ZNF621: variants seen among roughly 807,000 people sequenced by gnomAD.
ZNF621 encodes zinc finger protein 621.
Under a neutral mutation model 12.7 loss-of-function variants are expected in ZNF621, and 6 were observed. The ratio of observed to expected loss-of-function variants is 0.47; its 90% CI spans 0.26 to 0.93. ZNF621 has a LOEUF of 0.93. Among genes scored for constraint, ZNF621 ranks in the 40% least tolerant of loss-of-function variants. ZNF621 has a pLI of 0.15. For missense variants in ZNF621, 474 were observed against 524.0 expected, an observed-to-expected ratio of 0.90 and a Z score of 0.93; for synonymous variants, 156 against 190.3, an observed-to-expected ratio of 0.82 and a Z score of 1.48.
At chr3:40,531,656 G>A (rs757378135) in intron 4 of ZNF621, among the ~76,000 whole-genome samples, 5 of 152,086 alleles carry the variant, frequency 3.3e-5, no homozygotes, top group South Asian at 2.1e-4. Flanking sequence ...TCTGCCTCCC[G>A]GGCTTAAGTG....
rs1698561421 is a variant in ZNF621, at chr3:40,525,669, G to A, written c.-62-110G>A. ...GTGAGAACAATTAGAGGGAGTCCTA[G>A]TAGAATCTCCGTGCATCCAGTGCTG... On this transcript the variant is annotated intron_variant, in intron 1 of 4. Coordinates refer to ENST00000339296, the MANE Select transcript of ZNF621 (RefSeq NM_198484.5). 8 of 806,704 alleles carry A rather than the reference G, an allele frequency of 9.9e-6. No homozygotes were observed. In the East Asian group the frequency reaches 2.1e-4, roughly 21 times the overall value. The allele number at this position is 806,704 out of a possible 1,614,324, so 50.0% of individuals were successfully genotyped here.
chr3:40,530,606 A>C (rs1232423350), intron 4 of ZNF621, among the ~76,000 whole-genome samples: 1 of 152,110 alleles, frequency 6.6e-6, no homozygotes, highest in Middle Eastern at 3.2e-3. Flanking sequence ...GAAAAGTTTT[A>C]ATTGTATGCC....
chr3:40,525,995 C>A, intron 2 of ZNF621, 131 bp downstream of exon 2: 1 of 1,001,444 alleles, frequency 1.0e-6, no homozygotes, highest in Non-Finnish European at 1.5e-6. Flanking sequence ...TTGTATCTAT[C>A]TCCAGGGCTA....
chr3:40,527,684 G>C (rs1698618624), intron 2 of ZNF621, among the ~76,000 whole-genome samples: 1 of 152,136 alleles, frequency 6.6e-6, no homozygotes, highest in African/African-American at 2.4e-5. Flanking sequence ...TACAAGTTCT[G>C]ATAGAAGTTC....
chr3:40,532,591 G>A lies in ZNF621; in HGVS notation c.821G>A (p.Cys274Tyr), dbSNP rs764297670. Reference sequence around the variant, plus strand: ...AAGGAATGTTGGAAAGCTTTCGGTTGTAGGTCACTTTTTATTGTCCATCAG... The same window carrying A: ...AAGGAATGTTGGAAAGCTTTCGGTTATAGGTCACTTTTTATTGTCCATCAG... ...KCKECWKAFG[C>Y]RSLFIVHQRI... The change falls in exon 5 of 5, where the codon TGT becomes TAT. Residue 274 changes from cysteine (C) to tyrosine (Y), a missense_variant. By Grantham distance (194) the Cys-to-Tyr change is radical (BLOSUM62 -2). Coordinates refer to ENST00000339296, the MANE Select transcript of ZNF621 (RefSeq NM_198484.5). 1.8e-5 allele frequency: 29 copies of A among 1,613,510 alleles called. No individual in the cohort carries two copies. The highest frequency in any genetic ancestry group is 2.5e-5 in the Non-Finnish European group (29 of 1,179,938).
Position 40,534,024 on chromosome 3 carries a change from T to G in ZNF621, c.*934T>G, listed in dbSNP as rs1468456147. The G allele has an allele frequency of 6.6e-6, 1 of 152,388 alleles. No individual in the cohort carries two copies. The highest frequency in any genetic ancestry group is 1.9e-4 in the East Asian group (1 of 5,200). The allele number at this position is 152,388 out of a possible 1,614,324, so 9.4% of individuals were successfully genotyped here. A position where few individuals can be genotyped will look rare whatever the true frequency, so the allele number is the denominator to read the frequency against. On this transcript the variant is annotated 3_prime_UTR_variant, in exon 5 of 5. Transcript: ENST00000339296. ...AGTTTTGCTCTTGATAGCTAGATGT[T>G]TCTTTTAACTTTTATTTCGTAAGTA... is the stretch of plus-strand genomic sequence containing the variant.
At chr3:40,529,764 A>G (rs2125674293) in intron 3 of ZNF621, among the ~76,000 whole-genome samples, 1 of 152,268 alleles carries the variant, frequency 6.6e-6, no homozygotes, top group East Asian at 1.9e-4. Flanking sequence ...CTGGGACTAT[A>G]GGCGTGTGCC....
chr3:40,533,263 C>T lies in ZNF621; in HGVS notation c.*173C>T, dbSNP rs1331630640. The T allele has an allele frequency of 1.8e-6, 2 of 1,081,454 alleles. No homozygotes were observed. The highest frequency in any genetic ancestry group is 1.3e-6 in the Non-Finnish European group (1 of 783,664). The allele number at this position is 1,081,454 out of a possible 1,614,324, so 67.0% of individuals were successfully genotyped here. On this transcript the variant is annotated 3_prime_UTR_variant, in exon 5 of 5. Coordinates refer to ENST00000339296, the MANE Select transcript of ZNF621 (RefSeq NM_198484.5). ...TCAAGCGATTCTCCTCCTTCAGACT[C>T]TCGAATAGCTGGGATTACAGGCACG...
rs1015063930 is a variant in ZNF621 at position 40,525,920 on chromosome 3, A to T, written c.24+56A>T. On this transcript the variant is annotated intron_variant, in intron 2 of 4. Transcript: ENST00000339296. ...TGTTTGTTTATGTTTTTTTACTCAC[A>T]TTAGCTATCAGATAATCAGGAAAGG... 6.9e-6 allele frequency: 11 copies of T among 1,598,328 alleles called. No homozygotes were observed. The African/African-American group carries it at 1.2e-4, about 18-fold the overall frequency.
chr3:40,529,402 C>CG lies in ZNF621; in HGVS notation c.112dup (p.Glu38GlyfsTer52), dbSNP rs36069062. 1.9e-6 allele frequency: 3 copies of CG among 1,613,636 alleles called. No homozygotes were observed. Among genetic ancestry groups the CG allele is most frequent in the African/African-American group, 1.3e-5 (1 of 74,902 alleles). On this transcript the variant is annotated frameshift_variant, in exon 3 of 5. Coordinates refer to ENST00000339296, the MANE Select transcript of ZNF621 (RefSeq NM_198484.5). LOFTEE classifies it high-confidence loss of function. ...TCGACCCTGCGCAGAGGGCCCTGTA[C>CG]GGGGAGGTGATGCTGGAGAATTATG...
In ZNF621 at chr3:40,532,339, C is replaced by T; in HGVS notation, c.569C>T (p.Ser190Phe). 6.2e-7 allele frequency: 1 copy of T among 1,610,414 alleles called. No individual in the cohort carries two copies. The highest frequency in any genetic ancestry group is 8.5e-7 in the Non-Finnish European group (1 of 1,179,526). The change falls in exon 5 of 5, where the codon TCC becomes TTC. Residue 190 changes from serine (S) to phenylalanine (F), a missense_variant. By Grantham distance (155) the Ser-to-Phe change is radical. Coordinates refer to ENST00000339296, the MANE Select transcript of ZNF621 (RefSeq NM_198484.5). The stretch of plus-strand genomic sequence containing the variant: ...AAGGAGTGTGGCAAAGCTTTCAAGT[C>T]CAGCTATGATTGTATTGTACATGAG... The part of the protein sequence containing the change: ...KCKECGKAFK[S>F]SYDCIVHEKN...
At chr3:40,529,217 A>T in intron 2 of ZNF621, 102 bp from the exon 3 acceptor site, 1 of 1,404,434 alleles carries the variant, frequency 7.1e-7, no homozygotes, top group South Asian at 1.3e-5. Context: ...TGGGGCTCAG[A>T]GTTGTGGATG....
At chr3:40,524,618 GC>G (rs1326114186), upstream of ZNF621, among the ~76,000 whole-genome samples, 3 of 152,180 alleles carry the variant, frequency 2.0e-5, no homozygotes, top group Non-Finnish European at 1.5e-5. Context: ...CACCTGCACG[GC>G]CCAGGCTTCA....
rs1575302083 is a variant in ZNF621, at chr3:40,525,748, T to C, written c.-62-31T>C. 3.2e-6 allele frequency: 5 copies of C among 1,582,644 alleles called. No individual in the cohort carries two copies. The East Asian group carries it at 1.1e-4, about 35-fold the overall frequency. Reference sequence around the variant, plus strand: ...TTGCTGTAGGTGGTGGACGACAGGGTCCTTAGCACTCATGGCTCTTTTTCT... The same window carrying C: ...TTGCTGTAGGTGGTGGACGACAGGGCCCTTAGCACTCATGGCTCTTTTTCT... On this transcript the variant is annotated intron_variant, in intron 1 of 4. Coordinates refer to ENST00000339296, the MANE Select transcript of ZNF621 (RefSeq NM_198484.5).
chr3:40,527,143 G>A (rs1476900471), intron 2 of ZNF621, among the ~76,000 whole-genome samples: 2 of 151,870 alleles, frequency 1.3e-5, no homozygotes, highest in African/African-American at 2.4e-5. Context: ...TCAGCCTCCC[G>A]AGTAGATGGA....
chr3:40,527,563 G>A (rs1056889329), intron 2 of ZNF621, among the ~76,000 whole-genome samples: 2 of 152,124 alleles, frequency 1.3e-5, no homozygotes. Flanking sequence ...ACTTTTTAAT[G>A]TAATTAATTT....
rs762452043 is a variant in ZNF621 at position 40,530,331 on chromosome 3, C to A, written c.259+15C>A. 1.2e-6 allele frequency: 2 copies of A among 1,605,276 alleles called. No homozygotes were observed. The highest frequency in any genetic ancestry group is 1.7e-6 in the Non-Finnish European group (2 of 1,173,302). ...CATCAGTCAAGGTGAGTATGAGAAT[C>A]CAGTGGTGAAGTTTCTTGTTTTGCC... On this transcript the variant is annotated intron_variant, in intron 4 of 4. Coordinates refer to ENST00000339296, the MANE Select transcript of ZNF621 (RefSeq NM_198484.5).
intron 1 of ZNF621, 194 bp from the exon 2 acceptor site, chr3:40,525,585 G>T: frequency 1.6e-6 from 1 of 617,784 alleles, no homozygotes; most frequent in Non-Finnish European, 2.8e-6. Flanking sequence ...GAGCAGGCAG[G>T]TGGAAGATTG....
Position 40,532,942 on chromosome 3 carries a change from T to C in ZNF621, c.1172T>C (p.Leu391Pro), listed in dbSNP as rs1325003403. The C allele has an allele frequency of 5.8e-6, 9 of 1,557,750 alleles. No homozygotes were observed. The highest frequency in any genetic ancestry group is 1.2e-5 in the South Asian group (1 of 84,824). Reference protein sequence around the residue: ...VPSLTFPHAVLIPTSGNFFML... With the variant: ...VPSLTFPHAVPIPTSGNFFML... ...TCACTGACCTTTCCACATGCTGTGCTCATTCCTACCTCTGGGAATTTTTTC... is the reference window on the plus strand; with the variant it reads ...TCACTGACCTTTCCACATGCTGTGCCCATTCCTACCTCTGGGAATTTTTTC... The change falls in exon 5 of 5, where the codon CTC becomes CCC. Residue 391 changes from leucine to proline, a missense_variant. By Grantham distance (98) the Leu-to-Pro change is moderately conservative. Transcript: ENST00000339296.
Sources: allele counts gnomAD v4.1 joint callset (sites outside exome capture counted in the v4.1 genomes callset), GRCh38; gene constraint gnomAD v4.1.1; transcripts MANE v1.5; gene names NCBI Gene and HGNC (gene_info 2026-07-23, HGNC 2026-07-21).